Variants in KCNJ3 observed in about 807,000 individuals in gnomAD.
KCNJ3 encodes the protein G protein-activated inward rectifier potassium channel 1.
Under a neutral mutation model 39.2 loss-of-function variants are expected in KCNJ3, and 4 were observed. The observed-to-expected ratio is 0.10, with a 90% CI of 0.05 to 0.23. KCNJ3 has a LOEUF of 0.23. Among genes scored for constraint, KCNJ3 ranks in the 10% least tolerant of loss-of-function variants. The pLI, the probability that KCNJ3 is intolerant of heterozygous loss-of-function variation, is 1.00. For missense variants in KCNJ3, 276 were observed against 634.9 expected, an observed-to-expected ratio of 0.43 and a Z score of 6.08; for synonymous variants, 230 against 237.4, an observed-to-expected ratio of 0.97 and a Z score of 0.29.
At chr2:154,801,731 G>A (rs1207901488) in intron 2 of KCNJ3, among the ~76,000 whole-genome samples, 1 of 151,642 alleles carries the variant, frequency 6.6e-6, no homozygotes, top group South Asian at 2.1e-4. Flanking sequence ...GGTTCAAGCT[G>A]TTCTCCCACA....
chr2:154,845,496 T>A (rs1259539870), intron 2 of KCNJ3, among the ~76,000 whole-genome samples: 1 of 152,210 alleles, frequency 6.6e-6, no homozygotes, highest in African/African-American at 2.4e-5. Context: ...AGTTATATAG[T>A]TAAGATATTT....
intron 2 of KCNJ3, among the ~76,000 whole-genome samples, chr2:154,759,706 A>G (rs1335584563): frequency 1.3e-5 from 2 of 152,148 alleles, no homozygotes; most frequent in African/African-American, 2.4e-5. Flanking sequence ...TCATATTTAT[A>G]TAAGCCCATG....
At position 154,855,172 on chromosome 2, in the gene KCNJ3, C is replaced by T. The variant is rs1180992655; in HGVS notation, c.1365C>T (p.Thr455=). ...CAGAAGAAAAACTGGTATCTAAAAC[C>T]ACCAAGATGTTATCTGATCCCATGA... is the stretch of plus-strand genomic sequence containing the variant. The part of the protein sequence containing the change: ...GNSEEKLVSK[T]TKMLSDPMSQ... The change falls in exon 3 of 3, where the codon ACC becomes ACT. Residue 455 remains threonine, a synonymous_variant. Transcript: ENST00000295101. The T allele has an allele frequency of 1.2e-6, 2 of 1,613,868 alleles. No homozygotes were observed. The highest frequency in any genetic ancestry group is 1.7e-6 in the Non-Finnish European group (2 of 1,179,916).
At chr2:154,739,440 T>C (rs2105173750) in intron 2 of KCNJ3, among the ~76,000 whole-genome samples, 1 of 152,162 alleles carries the variant, frequency 6.6e-6, no homozygotes, top group African/African-American at 2.4e-5. Flanking sequence ...GATGAGTTGG[T>C]GCTTTCACAC....
chr2:154,772,205 A>G (rs1487180074), intron 2 of KCNJ3, among the ~76,000 whole-genome samples: 1 of 152,212 alleles, frequency 6.6e-6, no homozygotes, highest in Non-Finnish European at 1.5e-5. Context: ...GAAACTCTAA[A>G]TAGTGATAAA....
chr2:154,771,922 G>A (rs76704324), intron 2 of KCNJ3, among the ~76,000 whole-genome samples: 3,948 of 152,094 alleles, frequency 0.026, 93 homozygotes, highest in Middle Eastern at 0.034. Flanking sequence ...TCATACCCAC[G>A]GTCACTTGTT....
chr2:154,711,992 G>A (rs1685108832), intron 2 of KCNJ3, among the ~76,000 whole-genome samples: 1 of 152,120 alleles, frequency 6.6e-6, no homozygotes, highest in Non-Finnish European at 1.5e-5. Flanking sequence ...ATGGAGAAGA[G>A]ATTAAAGTCC....
At chr2:154,845,896 G>A (rs2105134524) in intron 2 of KCNJ3, among the ~76,000 whole-genome samples, 1 of 151,886 alleles carries the variant, frequency 6.6e-6, no homozygotes, top group African/African-American at 2.4e-5. Flanking sequence ...CTTGAACCTG[G>A]GAGGTGGAGG....
chr2:154,779,966 A>G (rs1300666369), intron 2 of KCNJ3, among the ~76,000 whole-genome samples: 1 of 152,170 alleles, frequency 6.6e-6, no homozygotes, highest in African/African-American at 2.4e-5. Flanking sequence ...AGAGGAAAAA[A>G]CAGGTTGTGT....
chr2:154,821,055 AATTAT>A lies in KCNJ3; in HGVS notation c.920-33670_920-33666del, dbSNP rs533630005. On this transcript the variant is annotated intron_variant, in intron 2 of 2. Transcript: ENST00000295101. ...ATATTATACATTCAATATTTCTCTT[AATTAT>A]ACTCATTATTCTTTTCCATGCTCAA... 4.0e-4 allele frequency among the ~76,000 whole-genome samples: 61 copies of A among 152,220 alleles called. 1 individual carries two copies. In the South Asian group the frequency reaches 0.013, roughly 32 times the overall value.
At chr2:154,700,477 C>T (rs952847191) in intron 1 of KCNJ3, among the ~76,000 whole-genome samples, 1 of 152,054 alleles carries the variant, frequency 6.6e-6, no homozygotes. Flanking sequence ...AGGGATTTGT[C>T]TTAGTAGTTT....
chr2:154,741,961 C>T (rs1201580516), intron 2 of KCNJ3, among the ~76,000 whole-genome samples: 1 of 151,686 alleles, frequency 6.6e-6, no homozygotes, highest in African/African-American at 2.4e-5. Flanking sequence ...GTCGTGCAAT[C>T]GTCACTATCA....
intron 2 of KCNJ3, among the ~76,000 whole-genome samples, chr2:154,768,828 G>C (rs970550178): frequency 6.6e-6 from 1 of 152,194 alleles, no homozygotes; most frequent in African/African-American, 2.4e-5. Flanking sequence ...AGCATGGAAT[G>C]TTCTTCCATT....
chr2:154,764,101 T>C, intron 2 of KCNJ3, among the ~76,000 whole-genome samples: 1 of 152,230 alleles, frequency 6.6e-6, no homozygotes, highest in Non-Finnish European at 1.5e-5. Context: ...ATATCAATGT[T>C]AGTTGTCAGC....
rs1276699421 is a variant in KCNJ3 at position 154,857,854 on chromosome 2, C to T, written c.*2541C>T. ...CAAGATTCTGCCACTGCACTCCAGC[C>T]TGGGTGACAGTGCGAGACTCCATCT... On this transcript the variant is annotated 3_prime_UTR_variant, in exon 3 of 3. Transcript: ENST00000295101. The T allele has an allele frequency of 8.4e-6, 1 of 119,264 alleles. No individual in the cohort carries two copies. Among genetic ancestry groups the T allele is most frequent in the Non-Finnish European group, 1.6e-5 (1 of 61,330 alleles). The allele number at this position is 119,264 out of a possible 1,614,324, so 7.4% of individuals were successfully genotyped here. A position where few individuals can be genotyped will look rare whatever the true frequency, so the allele number is the denominator to read the frequency against.
intron 2 of KCNJ3, among the ~76,000 whole-genome samples, chr2:154,835,435 ATAT>A (rs966758585): frequency 3.7e-4 from 19 of 50,818 alleles, no homozygotes; most frequent in Middle Eastern, 0.012. Context: ...TGAATATATA[ATAT>A]TCATGAATAT....
chr2:154,721,519 T>G (rs1382813042), intron 2 of KCNJ3, among the ~76,000 whole-genome samples: 1 of 152,182 alleles, frequency 6.6e-6, no homozygotes, highest in East Asian at 1.9e-4. Context: ...TAATCATATC[T>G]GCTTGATATG....
intron 2 of KCNJ3, among the ~76,000 whole-genome samples, chr2:154,783,709 A>G (rs766901930): frequency 2.6e-5 from 4 of 152,196 alleles, no homozygotes; most frequent in Non-Finnish European, 5.9e-5. Context: ...GCTAAGTACT[A>G]GAGTCAGATT....
chr2:154,726,814 CACACACACACACACACACACA>C (rs1416613300), intron 2 of KCNJ3, among the ~76,000 whole-genome samples: 6 of 150,132 alleles, frequency 4.0e-5, no homozygotes, highest in Non-Finnish European at 3.0e-5. Flanking sequence ...CACACACACA[CACACACACACACACACACACA>C]TACACCATGG....
Sources: gnomAD v4.1 joint callset for allele counts (sites outside exome capture counted in the v4.1 genomes callset) on GRCh38, gnomAD v4.1.1 for gene constraint, MANE v1.5 for transcripts, NCBI Gene and HGNC (gene_info 2026-07-23, HGNC 2026-07-21) for gene names.